Variants in FBXO11 observed in about 807,000 individuals in gnomAD.
FBXO11 encodes the protein F-box protein 11.
A neutral mutation model predicts 117.0 loss-of-function variants in FBXO11; 13 were observed. That is an observed-to-expected ratio of 0.11 (90% CI 0.07 to 0.18). FBXO11 has a LOEUF of 0.18. FBXO11 is among the 10% of genes least tolerant of loss of function. The pLI is 1.00. For missense variants in FBXO11, 767 were observed against 1,164.4 expected, an observed-to-expected ratio of 0.66 and a Z score of 4.97; for synonymous variants, 490 against 380.5, an observed-to-expected ratio of 1.29 and a Z score of -3.35.
intron 1 of FBXO11, among the ~76,000 whole-genome samples, chr2:47,898,395 A>G (rs1312780160): frequency 1.3e-5 from 2 of 152,246 alleles, no homozygotes; most frequent in African/African-American, 4.8e-5. Flanking sequence ...AGAAAAGAAT[A>G]TTTAGTCCAC....
chr2:47,887,893 G>A (rs1004864613), intron 1 of FBXO11, among the ~76,000 whole-genome samples: 2 of 152,038 alleles, frequency 1.3e-5, no homozygotes, highest in South Asian at 2.1e-4. Flanking sequence ...GGACACACCT[G>A]TAGTCCTAGC....
chr2:47,839,325 T>C, intron 3 of FBXO11, 94 bp downstream of exon 3: 1 of 1,108,974 alleles, frequency 9.0e-7, no homozygotes, highest in Non-Finnish European at 1.3e-6. Context: ...ATCCCAAAGG[T>C]AATACTCGAA....
chr2:47,849,607 T>C (rs966884382), intron 1 of FBXO11, among the ~76,000 whole-genome samples: 2 of 152,214 alleles, frequency 1.3e-5, no homozygotes, highest in African/African-American at 4.8e-5. Flanking sequence ...GCAGTAATAA[T>C]GCAGTGTGTC....
chr2:47,900,740 A>C lies in FBXO11; in HGVS notation c.232+4749T>G, dbSNP rs557631152. On this transcript the variant is annotated intron_variant, in intron 1 of 22. Transcript: ENST00000403359. Reference sequence around the variant, plus strand: ...TACACGTATACACACACGTGTATATATATACACGTATACACACACGTGTAT... The same window carrying C: ...TACACGTATACACACACGTGTATATCTATACACGTATACACACACGTGTAT... Among the ~76,000 whole-genome samples the C allele has an allele frequency of 3.4e-4, 41 of 120,112 alleles. 2 individuals are homozygous for C. Among genetic ancestry groups the C allele is most frequent in the Admixed American group, 9.0e-4 (11 of 12,186 alleles). The allele number at this position is 120,112 out of a possible 152,430, so 78.8% of individuals were successfully genotyped here. A position where few individuals can be genotyped will look rare whatever the true frequency, so the allele number is the denominator to read the frequency against.
intron 5 of FBXO11, among the ~76,000 whole-genome samples, chr2:47,835,138 G>C (rs144529436): frequency 6.6e-6 from 1 of 152,180 alleles, no homozygotes; most frequent in African/African-American, 2.4e-5. Flanking sequence ...CCTGTGCACT[G>C]TAGGATGTTT....
chr2:47,875,815 G>A (rs1675961081), intron 1 of FBXO11, among the ~76,000 whole-genome samples: 1 of 152,070 alleles, frequency 6.6e-6, no homozygotes, highest in South Asian at 2.1e-4. Context: ...TATACCAAGG[G>A]TTTAGCCTTC....
intron 1 of FBXO11, among the ~76,000 whole-genome samples, chr2:47,840,213 G>C (rs927170872): frequency 2.0e-5 from 3 of 152,110 alleles, no homozygotes; most frequent in Non-Finnish European, 2.9e-5. Context: ...AAAGTGCTGG[G>C]ATTACAGGCG....
intron 1 of FBXO11, among the ~76,000 whole-genome samples, chr2:47,885,927 G>C (rs1572904779): frequency 6.6e-6 from 1 of 151,778 alleles, no homozygotes; most frequent in African/African-American, 2.4e-5. Flanking sequence ...TCTCTGAACA[G>C]TCCTTCCAAA....
intron 16 of FBXO11, among the ~76,000 whole-genome samples, chr2:47,815,884 T>C (rs569787828): frequency 2.0e-3 from 302 of 152,258 alleles, no homozygotes; most frequent in African/African-American, 7.1e-3. Flanking sequence ...GAGCAGCATG[T>C]TCAGAATGAA....
chr2:47,827,585 G>T (rs911489779), intron 11 of FBXO11, among the ~76,000 whole-genome samples: 21 of 152,098 alleles, frequency 1.4e-4, no homozygotes, highest in African/African-American at 4.8e-4. Flanking sequence ...GGGATTATAG[G>T]CATGAGCCAC....
At position 47,813,395 on chromosome 2, in the gene FBXO11, T is replaced by A. The variant is rs924560414; in HGVS notation, c.2084-18A>T. ...GCCTAGACCTATAAATGCAAAAATG[T>A]AGGTTATCTAGAAGGTATATTTCTT... On this transcript the variant is annotated intron_variant, in intron 17 of 22. Coordinates refer to ENST00000403359, the MANE Select transcript of FBXO11 (RefSeq NM_001190274.2). 2 of 1,480,134 alleles carry A rather than the reference T, an allele frequency of 1.4e-6. No homozygotes were observed. Among genetic ancestry groups the A allele is most frequent in the Non-Finnish European group, 1.8e-6 (2 of 1,092,704 alleles). The allele number at this position is 1,480,134 out of a possible 1,614,324, so 91.7% of individuals were successfully genotyped here.
intron 19 of FBXO11, 60 bp from the exon 20 acceptor site, chr2:47,809,767 A>T: frequency 9.1e-7 from 1 of 1,096,244 alleles, no homozygotes; most frequent in Non-Finnish European, 1.4e-6. Context: ...TAAAAACCTG[A>T]AATTAGCAAG....
At chr2:47,828,345 ATTCT>A (rs1375419506) in intron 11 of FBXO11, among the ~76,000 whole-genome samples, 1 of 152,180 alleles carries the variant, frequency 6.6e-6, no homozygotes, top group Non-Finnish European at 1.5e-5. Context: ...GAAGTAAAAC[ATTCT>A]TTATTAAATA....
At chr2:47,819,587 A>C (rs993692525) in intron 14 of FBXO11, among the ~76,000 whole-genome samples, 1 of 152,176 alleles carries the variant, frequency 6.6e-6, no homozygotes, top group Non-Finnish European at 1.5e-5. Context: ...AAGTGGTTTT[A>C]TACTTTTAAT....
intron 1 of FBXO11, among the ~76,000 whole-genome samples, chr2:47,885,046 A>G (rs541767050): frequency 1.1e-3 from 163 of 152,352 alleles, no homozygotes; most frequent in African/African-American, 3.7e-3. Context: ...GACAGTGAAT[A>G]AGATGAACTT....
intron 16 of FBXO11, among the ~76,000 whole-genome samples, chr2:47,818,022 C>A (rs1418175052): frequency 2.0e-5 from 3 of 152,204 alleles, no homozygotes; most frequent in African/African-American, 7.2e-5. Context: ...TGGCACAAGC[C>A]TGTAATCCCA....
At chr2:47,834,538 G>A (rs140666713) in intron 7 of FBXO11, 41 bp downstream of exon 7, 2 of 1,457,624 alleles carry the variant, frequency 1.4e-6, no homozygotes, top group African/African-American at 1.4e-5. Context: ...ACATAAATGA[G>A]TAAAATATTA....
rs1330467797 is a variant in FBXO11, at chr2:47,834,792, A to G, written c.797T>C (p.Met266Thr). ...AAAAATAAAAATCAAACATACCAAC[A>G]TATTTTCTCTTCCTTTATATCTTGC... ...NPARYKGREN[M>T]LYYDTIEDAL... Residue 266 changes from methionine to threonine, a missense_variant, in exon 6 of 23, where the codon ATG becomes ACG. Around this residue, in one of 10 missense-constraint regions of FBXO11, gnomAD observed 32 missense variants for 48.4 expected, o/e 0.66. Coordinates refer to ENST00000403359, the MANE Select transcript of FBXO11 (RefSeq NM_001190274.2). 1.2e-6 allele frequency: 2 copies of G among 1,612,640 alleles called. No individual in the cohort carries two copies. The highest frequency in any genetic ancestry group is 1.3e-5 in the African/African-American group (1 of 74,990).
intron 1 of FBXO11, among the ~76,000 whole-genome samples, chr2:47,876,535 C>G (rs1676017757): frequency 6.6e-6 from 1 of 152,122 alleles, no homozygotes; most frequent in African/African-American, 2.4e-5. Flanking sequence ...GAATCAAGGT[C>G]AACAGTTATA....
Sources: gnomAD v4.1 joint callset for allele counts (sites outside exome capture counted in the v4.1 genomes callset) on GRCh38, gnomAD v4.1.1 for gene constraint, gnomAD v4.1.1 regional missense constraint, MANE v1.5 for transcripts, NCBI Gene and HGNC (gene_info 2026-07-23, HGNC 2026-07-21) for gene names.